Variants in UBE2D1 observed in about 807,000 individuals in gnomAD.
UBE2D1 encodes ubiquitin conjugating enzyme E2 D1, also known as ubiquitin-conjugating enzyme E2 D1.
A neutral mutation model predicts 24.6 loss-of-function variants in UBE2D1; 9 were observed. That is an observed-to-expected ratio of 0.37 (90% CI 0.22 to 0.64). UBE2D1 has a LOEUF of 0.64. Ranked by LOEUF, UBE2D1 falls within the 30% of genes least tolerant of loss-of-function variation. UBE2D1 has a pLI of 0.64. For synonymous variants in UBE2D1, 57 were observed against 57.6 expected (o/e 0.99, Z 0.04); for missense variants, 87 against 177.1 (o/e 0.49, Z 2.89).
intron 4 of UBE2D1, 64 bp from the exon 5 acceptor site, chr10:58,364,707 T>G: frequency 8.0e-7 from 1 of 1,250,628 alleles, no homozygotes. Context: ...GCAAATTGGT[T>G]CTGTTTTATT....
At chr10:58,340,375 C>T (rs1202409052) in intron 1 of UBE2D1, among the ~76,000 whole-genome samples, 1 of 152,108 alleles carries the variant, frequency 6.6e-6, no homozygotes, top group Non-Finnish European at 1.5e-5. Flanking sequence ...GAGCATTTTC[C>T]TCCTTGTTCA....
chr10:58,353,032 C>T (rs1235488519), intron 1 of UBE2D1, among the ~76,000 whole-genome samples: 2 of 152,080 alleles, frequency 1.3e-5, no homozygotes, highest in African/African-American at 4.8e-5. Flanking sequence ...TTCTAAGAAC[C>T]TAGAGGACCT....
At chr10:58,360,420 C>T (rs553499443) in intron 1 of UBE2D1, among the ~76,000 whole-genome samples, 3 of 149,516 alleles carry the variant, frequency 2.0e-5, no homozygotes, top group Admixed American at 1.3e-4. Flanking sequence ...CTGGAATTCT[C>T]TCTGTTAGAG....
chr10:58,369,275 G>A lies in UBE2D1; in HGVS notation c.*510G>A, dbSNP rs776317459. On this transcript the variant is annotated 3_prime_UTR_variant, in exon 7 of 7. Coordinates refer to ENST00000373910, the MANE Select transcript of UBE2D1 (RefSeq NM_003338.5). ...GTGAACAGTATTGAAAAACCCCAAC[G>A]GCTGATAATTAAGTGAATTAACTGT... The A allele has an allele frequency of 6.6e-6, 1 of 152,216 alleles. No individual in the cohort carries two copies. Among genetic ancestry groups the A allele is most frequent in the Non-Finnish European group, 1.5e-5 (1 of 67,766 alleles). The allele number at this position is 152,216 out of a possible 1,614,324, so 9.4% of individuals were successfully genotyped here. A position where few individuals can be genotyped will look rare whatever the true frequency, so the allele number is the denominator to read the frequency against.
In UBE2D1 at chr10:58,335,504, G is replaced by T. The variant is rs556428742; in HGVS notation, c.24+279G>T. 4.6e-5 allele frequency among the ~76,000 whole-genome samples: 7 copies of T among 152,386 alleles called. No individual in the cohort carries two copies. The East Asian group carries it at 9.6e-4, about 21-fold the overall frequency. ...AGCCCCAGGGTAGAGAGCCTCTTGC[G>T]CGTCCAGACCGTCCCGAAATCTGTG... On this transcript the variant is annotated intron_variant, in intron 1 of 6. Coordinates refer to ENST00000373910, the MANE Select transcript of UBE2D1 (RefSeq NM_003338.5).
chr10:58,368,770 C>A lies in UBE2D1; in HGVS notation c.*5C>A, dbSNP rs1400739658. ...ACTCAGAAATATGCAATGTAAAAAT[C>A]AAAAACATTTTCATATATACCAGAG... On this transcript the variant is annotated 3_prime_UTR_variant, in exon 7 of 7. Coordinates refer to ENST00000373910, the MANE Select transcript of UBE2D1 (RefSeq NM_003338.5). The A allele has an allele frequency of 3.2e-6, 5 of 1,577,126 alleles. No homozygotes were observed. The South Asian group carries it at 4.6e-5, about 15-fold the overall frequency.
chr10:58,338,032 A>G (rs889292608), intron 1 of UBE2D1, among the ~76,000 whole-genome samples: 1 of 151,950 alleles, frequency 6.6e-6, no homozygotes, highest in Non-Finnish European at 1.5e-5. Flanking sequence ...ATTTTAGTAG[A>G]GATGGGGTTT....
At chr10:58,335,922 A>G (rs890409011) in intron 1 of UBE2D1, among the ~76,000 whole-genome samples, 1 of 152,244 alleles carries the variant, frequency 6.6e-6, no homozygotes, top group African/African-American at 2.4e-5. Flanking sequence ...AGTCAAGCCA[A>G]ACAGGTTTTT....
rs1476362722 is a variant in UBE2D1, at chr10:58,367,907, T to C, written c.305-16T>C. ...GAAGGGTTATTGTCTAATGTGATGT[T>C]CTCTTTTAAATCTAGTTTTATTGTC... On this transcript the variant is annotated splice_polypyrimidine_tract_variant and intron_variant, in intron 5 of 6. Transcript: ENST00000373910. 2 of 1,555,804 alleles carry C rather than the reference T, an allele frequency of 1.3e-6. No homozygotes were observed. Among genetic ancestry groups the C allele is most frequent in the Non-Finnish European group, 1.8e-6 (2 of 1,129,138 alleles).
chr10:58,357,514 A>G (rs935571000), intron 1 of UBE2D1, among the ~76,000 whole-genome samples: 2 of 152,068 alleles, frequency 1.3e-5, no homozygotes, highest in African/African-American at 4.8e-5. Context: ...TGTAGTTTCT[A>G]TTTGTTTTAT....
At chr10:58,368,602 T>C in intron 6 of UBE2D1, 118 bp from the exon 7 acceptor site, 1 of 531,716 alleles carries the variant, frequency 1.9e-6, no homozygotes, top group Non-Finnish European at 3.0e-6. Context: ...CAGTAATTGA[T>C]ATATGTGTGA....
chr10:58,365,752 C>G (rs910509194), intron 5 of UBE2D1, among the ~76,000 whole-genome samples: 1 of 152,180 alleles, frequency 6.6e-6, no homozygotes, highest in Non-Finnish European at 1.5e-5. Context: ...AGTAGCTGCA[C>G]TGAAGCAACC....
At chr10:58,365,040 GT>G (rs1311234818) in intron 5 of UBE2D1, among the ~76,000 whole-genome samples, 164 bp downstream of exon 5, 2 of 152,208 alleles carry the variant, frequency 1.3e-5, no homozygotes, top group African/African-American at 4.8e-5. Context: ...GCTTTTGGCA[GT>G]TAGCTTTGGT....
At chr10:58,350,459 A>G (rs1418691754) in intron 1 of UBE2D1, among the ~76,000 whole-genome samples, 2 of 152,128 alleles carry the variant, frequency 1.3e-5, no homozygotes, top group African/African-American at 2.4e-5. Context: ...CTGCTTTTTA[A>G]AAAGTTGATC....
rs1223638732 is a variant in UBE2D1 at position 58,335,178 on chromosome 10, T to C, written c.-24T>C. Reference sequence around the variant, plus strand: ...CCCGCAGCCGACCCCTGCCGGCCGGTGTCCCCACCGCCATCCCTGACCCAT... The same window carrying C: ...CCCGCAGCCGACCCCTGCCGGCCGGCGTCCCCACCGCCATCCCTGACCCAT... On this transcript the variant is annotated 5_prime_UTR_variant, in exon 1 of 7. Transcript: ENST00000373910. 1.1e-5 allele frequency: 17 copies of C among 1,543,678 alleles called. No individual in the cohort carries two copies. Among genetic ancestry groups the C allele is most frequent in the African/African-American group, 2.8e-5 (2 of 71,418 alleles).
chr10:58,361,059 C>T (rs1239311722), intron 1 of UBE2D1: 7 of 517,770 alleles, frequency 1.4e-5, no homozygotes, highest in Non-Finnish European at 2.1e-5. Context: ...ATCTTACATA[C>T]AGTAGGTACT....
intron 5 of UBE2D1, among the ~76,000 whole-genome samples, chr10:58,367,582 T>C (rs1051541869): frequency 6.6e-6 from 1 of 152,142 alleles, no homozygotes; most frequent in Non-Finnish European, 1.5e-5. Flanking sequence ...GTTTGGACTG[T>C]TAACTGTAAT....
intron 1 of UBE2D1, among the ~76,000 whole-genome samples, chr10:58,360,583 C>T (rs1227266392): frequency 6.6e-6 from 1 of 152,156 alleles, no homozygotes; most frequent in Non-Finnish European, 1.5e-5. Context: ...TTCTAAGTTT[C>T]AAAACATGGC....
At chr10:58,353,223 G>A (rs1039291458) in intron 1 of UBE2D1, among the ~76,000 whole-genome samples, 1 of 152,140 alleles carries the variant, frequency 6.6e-6, no homozygotes, top group Non-Finnish European at 1.5e-5. Context: ...CCTTGGAGGG[G>A]TATAGTTGGG....
Sources: gnomAD v4.1 joint callset for allele counts (sites outside exome capture counted in the v4.1 genomes callset) on GRCh38, gnomAD v4.1.1 for gene constraint, MANE v1.5 for transcripts, NCBI Gene and HGNC (gene_info 2026-07-23, HGNC 2026-07-21) for gene names.